INTS2: variants seen among roughly 807,000 people sequenced by gnomAD.
The protein encoded by INTS2 is integrator complex subunit 2, also known as KIAA1287.
A neutral mutation model predicts 139.6 loss-of-function variants in INTS2; 57 were observed. That is an observed-to-expected ratio of 0.41 (90% CI 0.33 to 0.51). The LOEUF is 0.51. Ranked by LOEUF, INTS2 falls within the 20% of genes least tolerant of loss-of-function variation. The pLI is 0.28. For synonymous variants in INTS2, 473 were observed against 493.4 expected, an observed-to-expected ratio of 0.96 and a Z score of 0.55; for missense variants, 1,196 against 1,436.7, an observed-to-expected ratio of 0.83 and a Z score of 2.71.
chr17:61,904,607 G>A (rs752785902), intron 8 of INTS2, 22 bp from the exon 9 acceptor site: 4 of 1,558,464 alleles, frequency 2.6e-6, no homozygotes, highest in Non-Finnish European at 2.6e-6. Context: ...TACATCATTA[G>A]GCTTTACATT....
Position 61,927,708 on chromosome 17 carries a change from G to A in INTS2, c.-73C>T, listed in dbSNP as rs1300839771. The A allele has an allele frequency of 1.4e-6, 2 of 1,450,422 alleles. No homozygotes were observed. Among genetic ancestry groups the A allele is most frequent in the Non-Finnish European group, 1.8e-6 (2 of 1,104,404 alleles). 89.8% of individuals were successfully genotyped at this position (1,450,422 alleles called of 1,614,324 possible). A position where few individuals can be genotyped will look rare whatever the true frequency, so the allele number is the denominator to read the frequency against. On this transcript the variant is annotated 5_prime_UTR_variant, in exon 1 of 25. Coordinates refer to ENST00000251334, the MANE Select transcript of INTS2 (RefSeq NM_001351695.2). The stretch of plus-strand genomic sequence containing the variant: ...CCGCACACGGACTCCGCGTCCTAGA[G>A]GCGGGACGCGGCAGAAATCGAGAGC...
At chr17:61,894,472 T>C (rs1464102948) in intron 12 of INTS2, among the ~76,000 whole-genome samples, 1 of 152,216 alleles carries the variant, frequency 6.6e-6, no homozygotes, top group Non-Finnish European at 1.5e-5. Context: ...GTGTGACTAC[T>C]TGTAATTCAG....
intron 3 of INTS2, among the ~76,000 whole-genome samples, chr17:61,923,932 C>T (rs927342919): frequency 4.6e-5 from 7 of 152,162 alleles, no homozygotes; most frequent in African/African-American, 7.2e-5. Flanking sequence ...GGATTACAGG[C>T]GTGCACCACC....
intron 9 of INTS2, among the ~76,000 whole-genome samples, chr17:61,899,290 G>C (rs1255934761): frequency 6.6e-6 from 1 of 151,760 alleles, no homozygotes; most frequent in African/African-American, 2.4e-5. Flanking sequence ...CGCTCTTGTT[G>C]CCCAGGCTGG....
chr17:61,922,678 C>T (rs1254981852), intron 3 of INTS2, among the ~76,000 whole-genome samples: 1 of 151,518 alleles, frequency 6.6e-6, no homozygotes, highest in African/African-American at 2.4e-5. Flanking sequence ...GAGTGCCAAA[C>T]TAAAAAATTG....
rs1303669373 is a variant in INTS2 at position 61,907,444 on chromosome 17, C to T, written c.1145G>A (p.Arg382His). Residue 382 changes from arginine (R) to histidine (H), a missense_variant, in exon 8 of 25, where the codon CGT becomes CAT. Around this residue, in one of 3 missense-constraint regions of INTS2, gnomAD observed 1,129 missense variants for 1,341.9 expected, o/e 0.84. Coordinates refer to ENST00000251334, the MANE Select transcript of INTS2 (RefSeq NM_001351695.2). ...GATCCCCATCAAAGCACAGTACAGA[C>T]GTAAGAGTGCACTGGCTTTCACAAC... Reference protein sequence around the residue: ...EHVVKASALLRLYCALMGIAG... With the variant: ...EHVVKASALLHLYCALMGIAG... The T allele has an allele frequency of 5.6e-6, 9 of 1,597,948 alleles. No individual in the cohort carries two copies. The highest frequency in any genetic ancestry group is 2.2e-5 in the East Asian group (1 of 44,470).
chr17:61,916,388 G>A (rs1030236957), intron 5 of INTS2, among the ~76,000 whole-genome samples: 11 of 152,220 alleles, frequency 7.2e-5, no homozygotes, highest in African/African-American at 2.4e-4. Context: ...AGCCAAGGTC[G>A]CACCCCTGGA....
Position 61,881,017 on chromosome 17 carries a change from T to A in INTS2, c.2244A>T (p.Gln748His), listed in dbSNP as rs747024579. 1 of 1,613,052 alleles carries A rather than the reference T, an allele frequency of 6.2e-7. No homozygotes were observed. ...AATAATTTACTATACCTTCTTGGAG[T>A]TGTTTGGGAGAATGATTTTTAGCAT... ...TNNAKNHSPK[Q>H]LQEAFSAVPV... The change falls in exon 17 of 25, where the codon CAA becomes CAT. Residue 748 changes from glutamine to histidine, a missense_variant. Gln to His is a conservative substitution (Grantham distance 24, BLOSUM62 0). This residue lies in a region of INTS2 where 1,129 missense variants were observed against 1,341.9 expected (regional missense o/e 0.84). Transcript: ENST00000251334.
intron 15 of INTS2, among the ~76,000 whole-genome samples, chr17:61,887,244 A>G (rs2079237868): frequency 6.6e-6 from 1 of 152,172 alleles, no homozygotes; most frequent in Non-Finnish European, 1.5e-5. Context: ...GCACTTTGGG[A>G]GGCCAAGGTG....
chr17:61,897,630 G>T lies in INTS2; in HGVS notation c.1379+38C>A. ...TATGAATTTTCCAAAGAGAGAAGAA[G>T]AAAAGCTTTCTCAACTAACTAAATC... On this transcript the variant is annotated intron_variant, in intron 10 of 24. Transcript: ENST00000251334. The surrounding 1 kb of genome is among the most constrained non-coding windows in gnomAD (Gnocchi z 4.4). 1 of 1,583,950 alleles carries T rather than the reference G, an allele frequency of 6.3e-7. No individual in the cohort carries two copies. Among genetic ancestry groups the T allele is most frequent in the Non-Finnish European group, 8.6e-7 (1 of 1,161,692 alleles).
chr17:61,868,370 T>C lies in INTS2; in HGVS notation c.3245-361A>G, dbSNP rs1327879745. Among the ~76,000 whole-genome samples, 2 of 152,118 alleles carry C rather than the reference T, an allele frequency of 1.3e-5. No individual in the cohort carries two copies. The highest frequency in any genetic ancestry group is 2.9e-5 in the Non-Finnish European group (2 of 67,992). ...AAGCCAGTTAGTGGTGGGGCTGAGATTGAATTCAGGCAGTGTAAACTCTTA... is the reference window on the plus strand; with the variant it reads ...AAGCCAGTTAGTGGTGGGGCTGAGACTGAATTCAGGCAGTGTAAACTCTTA... On this transcript the variant is annotated intron_variant, in intron 23 of 24. Coordinates refer to ENST00000251334, the MANE Select transcript of INTS2 (RefSeq NM_001351695.2). This position sits in a 1 kb window ranked among gnomAD's most constrained non-coding sequence, Gnocchi z 4.7.
Position 61,871,685 on chromosome 17 carries a change from G to A in INTS2, c.2778+580C>T, listed in dbSNP as rs557098733. Among the ~76,000 whole-genome samples the A allele has an allele frequency of 6.6e-6, 1 of 152,154 alleles. No homozygotes were observed. The highest frequency in any genetic ancestry group is 1.9e-4 in the East Asian group (1 of 5,154). On this transcript the variant is annotated intron_variant, in intron 20 of 24. Transcript: ENST00000251334. The surrounding 1 kb of genome is among the most constrained non-coding windows in gnomAD (Gnocchi z 4.9). ...GCCGTGGCTCATGCCTGTAATCCCAGCACTTTGGGAAGCTGAGGTGGGTGG... is the reference window on the plus strand; with the variant it reads ...GCCGTGGCTCATGCCTGTAATCCCAACACTTTGGGAAGCTGAGGTGGGTGG...
intron 5 of INTS2, among the ~76,000 whole-genome samples, chr17:61,918,153 T>C (rs963941189): frequency 1.1e-4 from 16 of 152,260 alleles, no homozygotes; most frequent in Non-Finnish European, 1.9e-4. Context: ...AAAGAGTTTT[T>C]ACATATCATC....
chr17:61,911,903 T>C (rs764080677), intron 6 of INTS2, 37 bp downstream of exon 6: 4 of 1,592,358 alleles, frequency 2.5e-6, no homozygotes, highest in Admixed American at 3.7e-5. Context: ...GGACCTAATA[T>C]AAAGGCCTTT....
chr17:61,907,014 T>C (rs960496841), intron 8 of INTS2, among the ~76,000 whole-genome samples: 1 of 149,248 alleles, frequency 6.7e-6, no homozygotes, highest in Admixed American at 6.7e-5. Context: ...ATCATATTAA[T>C]TTTAAACAAT....
chr17:61,926,668 G>A lies in INTS2; in HGVS notation c.-18-6C>T. Reference sequence around the variant, plus strand: ...ATTATTACTGTTTGTTGATCCTAATGGTAAAAATACAAATGAAAGTAGGAG... The same window carrying A: ...ATTATTACTGTTTGTTGATCCTAATAGTAAAAATACAAATGAAAGTAGGAG... On this transcript the variant is annotated splice_region_variant and splice_polypyrimidine_tract_variant and intron_variant, in intron 1 of 24. Transcript: ENST00000251334. 1 of 1,588,284 alleles carries A rather than the reference G, an allele frequency of 6.3e-7. No homozygotes were observed. Among genetic ancestry groups the A allele is most frequent in the East Asian group, 2.3e-5 (1 of 44,334 alleles).
intron 9 of INTS2, among the ~76,000 whole-genome samples, chr17:61,901,907 C>A (rs1351509222): frequency 6.6e-6 from 1 of 151,960 alleles, no homozygotes; most frequent in Non-Finnish European, 1.5e-5. Context: ...CATTTTGCTC[C>A]TTCAGAATGG....
chr17:61,917,789 A>T (rs925808494), intron 5 of INTS2, among the ~76,000 whole-genome samples: 1 of 151,668 alleles, frequency 6.6e-6, no homozygotes, highest in African/African-American at 2.4e-5. Context: ...AAAACTTCGA[A>T]TTTTTTTAAA....
rs1811138546 is a variant in INTS2, at chr17:61,871,797, G to C, written c.2778+468C>G. Among the ~76,000 whole-genome samples, 1 of 152,036 alleles carries C rather than the reference G, an allele frequency of 6.6e-6. No homozygotes were observed. The highest frequency in any genetic ancestry group is 6.5e-5 in the Admixed American group (1 of 15,272). On this transcript the variant is annotated intron_variant, in intron 20 of 24. Transcript: ENST00000251334. This position sits in a 1 kb window ranked among gnomAD's most constrained non-coding sequence, Gnocchi z 4.9. ...AAAAATACAAAAATTAGCCAGGTGTGGTGGCATGTGCCTGTAGTCCCAGCT... is the reference window on the plus strand; with the variant it reads ...AAAAATACAAAAATTAGCCAGGTGTCGTGGCATGTGCCTGTAGTCCCAGCT...
Sources: gnomAD v4.1 joint callset for allele counts (sites outside exome capture counted in the v4.1 genomes callset) on GRCh38, gnomAD v4.1.1 for gene constraint, gnomAD v4.1.1 regional missense constraint, Gnocchi (gnomAD v3.1) non-coding constraint, MANE v1.5 for transcripts, NCBI Gene and HGNC (gene_info 2026-07-23, HGNC 2026-07-21) for gene names.